The following GOLGA4 variants were observed in gnomAD, a reference collection of about 807,000 sequenced individuals.
GOLGA4 encodes the protein golgin subfamily A member 4.
Under a neutral mutation model 265.9 loss-of-function variants are expected in GOLGA4, and 169 were observed. The ratio of observed to expected loss-of-function variants is 0.64; its 90% confidence interval spans 0.56 to 0.72. The LOEUF (loss-of-function observed/expected upper bound fraction) is 0.72. GOLGA4 is among the 30% of genes least tolerant of loss of function. GOLGA4 has a pLI of 0.00. For missense variants in GOLGA4, 2,482 were observed against 2,483.4 expected (o/e 1.00, Z 0.01); for synonymous variants, 923 against 855.8 (o/e 1.08, Z -1.37).
At position 37,273,513 on chromosome 3, in the gene GOLGA4, CAAT is replaced by C. The variant is rs761650476; in HGVS notation, c.163-8444_163-8442del. The stretch of plus-strand genomic sequence containing the variant: ...TTTAGTTTTTTGTTCTTTTGCTTTA[CAAT>C]GTTTCTTTCTTTTTCTTAGAATGCA... On this transcript the variant is annotated intron_variant, in intron 2 of 23. Transcript: ENST00000361924. The C allele has an allele frequency of 1.8e-5, 25 of 1,380,764 alleles. No individual in the cohort carries two copies. The African/African-American group carries it at 3.3e-4, about 18-fold the overall frequency. The allele number at this position is 1,380,764 out of a possible 1,614,324, so 85.5% of individuals were successfully genotyped here.
chr3:37,355,257 G>A, intron 22 of GOLGA4, 70 bp downstream of exon 22: 1 of 813,740 alleles, frequency 1.2e-6, no homozygotes. Flanking sequence ...TCATTTATAA[G>A]GACTTTTGAG....
intron 17 of GOLGA4, among the ~76,000 whole-genome samples, chr3:37,335,991 C>T (rs2151001586): frequency 6.6e-6 from 1 of 152,192 alleles, no homozygotes; most frequent in South Asian, 2.1e-4. Flanking sequence ...TGACTTTATC[C>T]TGGAGAGGAT....
chr3:37,248,322 ATAAT>A lies in GOLGA4; in HGVS notation c.73-3070_73-3067del, dbSNP rs761263979. Among the ~76,000 whole-genome samples, 27 of 152,318 alleles carry A rather than the reference ATAAT, an allele frequency of 1.8e-4. No homozygotes were observed. The South Asian group carries it at 2.1e-3, about 12-fold the overall frequency. ...AATTGAGTATAACTGTGGTCAGTTA[ATAAT>A]TAGGCAGTGGGCAATAAAATATTAA... On this transcript the variant is annotated intron_variant, in intron 1 of 23. Transcript: ENST00000361924.
At chr3:37,362,236 T>G (rs868723973) in intron 23 of GOLGA4, among the ~76,000 whole-genome samples, 1 of 133,748 alleles carries the variant, frequency 7.5e-6, no homozygotes, top group Non-Finnish European at 1.6e-5. Flanking sequence ...TTTATTTATT[T>G]ATTATTTTTT....
At chr3:37,310,139 C>A (rs991962148) in intron 10 of GOLGA4, among the ~76,000 whole-genome samples, 9 of 152,200 alleles carry the variant, frequency 5.9e-5, no homozygotes, top group Non-Finnish European at 1.3e-4. Context: ...TAGAGGTTAA[C>A]AGCCTTTTCA....
chr3:37,326,286 T>A lies in GOLGA4; in HGVS notation c.4400T>A (p.Leu1467His). Residue 1467 changes from leucine to histidine, a missense_variant, in exon 14 of 24, where the codon CTT becomes CAT. Leu to His is a moderately conservative substitution (Grantham distance 99, BLOSUM62 -3). Around this residue, in one of 3 missense-constraint regions of GOLGA4, gnomAD observed 942 missense variants for 983.1 expected, o/e 0.96. Coordinates refer to ENST00000361924, the MANE Select transcript of GOLGA4 (RefSeq NM_002078.5). ...QNTVKELQIQLELKSKEAYEK... is the reference protein window; with the variant it reads ...QNTVKELQIQHELKSKEAYEK... Reference sequence around the variant, plus strand: ...ACTGTTAAAGAATTGCAGATCCAGCTTGAGTTAAAATCAAAGGAAGCTTAT... The same window carrying A: ...ACTGTTAAAGAATTGCAGATCCAGCATGAGTTAAAATCAAAGGAAGCTTAT... 1 of 1,612,816 alleles carries A rather than the reference T, an allele frequency of 6.2e-7. No homozygotes were observed. The highest frequency in any genetic ancestry group is 8.5e-7 in the Non-Finnish European group (1 of 1,179,380).
intron 22 of GOLGA4, among the ~76,000 whole-genome samples, chr3:37,359,737 G>A (rs1414405562): frequency 1.3e-5 from 2 of 151,968 alleles, no homozygotes; most frequent in South Asian, 4.2e-4. Flanking sequence ...AATTTCCTCC[G>A]AATTAATAAA....
intron 2 of GOLGA4, among the ~76,000 whole-genome samples, chr3:37,265,118 TG>T (rs896486550): frequency 1.4e-4 from 5 of 35,648 alleles, no homozygotes; most frequent in East Asian, 1.0e-3. Context: ...ATGCTCATAT[TG>T]TGTGTGTGTG....
chr3:37,340,063 C>G, intron 19 of GOLGA4, 61 bp from the exon 20 acceptor site: 1 of 723,724 alleles, frequency 1.4e-6, no homozygotes, highest in South Asian at 1.7e-5. Flanking sequence ...AGCAATCTTT[C>G]TTTTTCTTAC....
chr3:37,324,490 G>A lies in GOLGA4; in HGVS notation c.2604G>A (p.Gln868=). The part of the protein sequence containing the change: ...AHKIQVQDLM[Q]QLEKQNSEME... ...AAATCCAGGTGCAGGACTTAATGCA[G>A]CAACTTGAAAAACAAAATAGTGAAA... The change falls in exon 14 of 24, where the codon CAG becomes CAA. Residue 868 remains glutamine, a synonymous_variant. Coordinates refer to ENST00000361924, the MANE Select transcript of GOLGA4 (RefSeq NM_002078.5). The A allele has an allele frequency of 6.2e-7, 1 of 1,613,906 alleles. No individual in the cohort carries two copies.
intron 2 of GOLGA4, among the ~76,000 whole-genome samples, chr3:37,261,631 T>A (rs1374587421): frequency 6.6e-6 from 1 of 152,174 alleles, no homozygotes; most frequent in Non-Finnish European, 1.5e-5. Flanking sequence ...CTTTGAACTC[T>A]GGTTGAGAAG....
intron 16 of GOLGA4, among the ~76,000 whole-genome samples, chr3:37,334,164 C>A (rs899975394): frequency 1.3e-5 from 2 of 152,106 alleles, no homozygotes; most frequent in Non-Finnish European, 2.9e-5. Flanking sequence ...ATGACCAAGA[C>A]AAATGAGGGA....
At chr3:37,255,200 A>G (rs1331372547) in intron 2 of GOLGA4, among the ~76,000 whole-genome samples, 1 of 151,742 alleles carries the variant, frequency 6.6e-6, no homozygotes, top group Non-Finnish European at 1.5e-5. Context: ...TCACTCTGTC[A>G]CCCAGGCTGG....
At chr3:37,295,688 A>G (rs562876498) in intron 6 of GOLGA4, among the ~76,000 whole-genome samples, 129 of 152,322 alleles carry the variant, frequency 8.5e-4, no homozygotes, top group Middle Eastern at 3.4e-3. Context: ...TCTCTGTTTT[A>G]AATAAAGTAC....
At chr3:37,289,867 C>A in intron 5 of GOLGA4, among the ~76,000 whole-genome samples, 1 of 152,170 alleles carries the variant, frequency 6.6e-6, no homozygotes, top group Middle Eastern at 3.2e-3. Flanking sequence ...TTCTCCTATA[C>A]AGATCCCAAC....
chr3:37,355,163 G>A lies in GOLGA4; in HGVS notation c.6639G>A (p.Leu2213=), dbSNP rs1406693904. ...KFPDDQTQKI[L]EREDARLMFT... Reference sequence around the variant, plus strand: ...CTGATGATCAGACTCAGAAAATTTTGGAAAGAGAAGATGCTCGGCTGATGG... The same window carrying A: ...CTGATGATCAGACTCAGAAAATTTTAGAAAGAGAAGATGCTCGGCTGATGG... Residue 2213 remains leucine, a synonymous_variant, in exon 22 of 24, where the codon TTG becomes TTA. Coordinates refer to ENST00000361924, the MANE Select transcript of GOLGA4 (RefSeq NM_002078.5). 2 of 1,601,666 alleles carry A rather than the reference G, an allele frequency of 1.2e-6. No individual in the cohort carries two copies. Among genetic ancestry groups the A allele is most frequent in the Non-Finnish European group, 1.7e-6 (2 of 1,169,070 alleles).
chr3:37,314,664 C>CACACAG (rs2096932460), intron 10 of GOLGA4, among the ~76,000 whole-genome samples: 1 of 151,448 alleles, frequency 6.6e-6, no homozygotes, highest in African/African-American at 2.4e-5. Context: ...CACACACACA[C>CACACAG]ACACACACAC....
At chr3:37,266,956 G>T (rs751974590) in intron 2 of GOLGA4, 2 of 1,151,274 alleles carry the variant, frequency 1.7e-6, no homozygotes, top group Admixed American at 4.8e-5. Flanking sequence ...TCCTTCCACC[G>T]CTTTCTGCAT....
intron 2 of GOLGA4, among the ~76,000 whole-genome samples, chr3:37,271,951 G>A (rs889671134): frequency 6.6e-6 from 1 of 152,110 alleles, no homozygotes; most frequent in South Asian, 2.1e-4. Context: ...CTGTGCATAC[G>A]GGGGATCTAG....
Sources: gnomAD v4.1 joint callset for allele counts (sites outside exome capture counted in the v4.1 genomes callset) on GRCh38, gnomAD v4.1.1 for gene constraint, gnomAD v4.1.1 regional missense constraint, MANE v1.5 for transcripts, NCBI Gene and HGNC (gene_info 2026-07-23, HGNC 2026-07-21) for gene names.